The following RPH3AL variants were observed in gnomAD, a reference collection of about 807,000 sequenced individuals.
The protein encoded by RPH3AL is rabphilin 3A like (without C2 domains).
Under a neutral mutation model 43.1 loss-of-function variants are expected in RPH3AL, and 38 were observed. The observed-to-expected ratio is 0.88, with a 90% confidence interval of 0.68 to 1.15. The LOEUF (loss-of-function observed/expected upper bound fraction) is 1.15, where lower values mean the gene tolerates loss of function less well. Among genes scored for constraint, RPH3AL ranks in the 50% most tolerant of loss-of-function variants. RPH3AL has a pLI of 0.00. For missense variants in RPH3AL, 462 were observed against 423.2 expected, an observed-to-expected ratio of 1.09 and a Z score of -0.81; for synonymous variants, 189 against 176.3, an observed-to-expected ratio of 1.07 and a Z score of -0.57.
chr17:280,748 A>G (rs1283524224), intron 6 of RPH3AL, among the ~76,000 whole-genome samples: 1 of 152,194 alleles, frequency 6.6e-6, no homozygotes, highest in Non-Finnish European at 1.5e-5. Context: ...CCACAGAAAG[A>G]TAAAGAAATA....
intron 1 of RPH3AL, among the ~76,000 whole-genome samples, chr17:348,497 T>G (rs1400763398): frequency 6.6e-6 from 1 of 151,666 alleles, no homozygotes; most frequent in Non-Finnish European, 1.5e-5. Flanking sequence ...ACTCTGTACT[T>G]TTTGTTCAAT....
Position 290,647 on chromosome 17 carries a change from G to C in RPH3AL, c.352-8793C>G, listed in dbSNP as rs542044313. 6.6e-6 allele frequency among the ~76,000 whole-genome samples: 1 copy of C among 151,964 alleles called. No homozygotes were observed. Among genetic ancestry groups the C allele is most frequent in the Non-Finnish European group, 1.5e-5 (1 of 68,038 alleles). ...GAAGGTTCTGCTGGGCCACTCCAAA[G>C]TTCAGGTACTTCATGCCCAGGCTGG... On this transcript the variant is annotated intron_variant, in intron 5 of 9. Coordinates refer to ENST00000331302, the MANE Select transcript of RPH3AL (RefSeq NM_006987.4). This position sits in a 1 kb window ranked among gnomAD's most constrained non-coding sequence, Gnocchi z 4.2.
rs1355134144 is a variant in RPH3AL, at chr17:265,504, A to G, written c.438+16264T>C. On this transcript the variant is annotated intron_variant, in intron 6 of 9. Transcript: ENST00000331302. The stretch of plus-strand genomic sequence containing the variant: ...GACAACCAGCAGAATTAAAACTAGG[A>G]AAAACGTTCGTCATCCTGAAATACT... Among the ~76,000 whole-genome samples the G allele has an allele frequency of 3.3e-5, 5 of 152,216 alleles. No individual in the cohort carries two copies. The South Asian group carries it at 8.3e-4, about 25-fold the overall frequency.
chr17:293,264 T>C (rs2043087966), intron 5 of RPH3AL, among the ~76,000 whole-genome samples: 1 of 152,208 alleles, frequency 6.6e-6, no homozygotes, highest in Admixed American at 6.5e-5. Flanking sequence ...CTGCCACTCA[T>C]GCAGTTACCA....
chr17:303,382 C>A (rs1267543348), intron 5 of RPH3AL, among the ~76,000 whole-genome samples: 6 of 151,882 alleles, frequency 4.0e-5, no homozygotes, highest in Admixed American at 6.6e-5. Flanking sequence ...CACAGCGAGA[C>A]CCTGTCTCAA....
rs116378488 is a variant in RPH3AL, at chr17:251,583, G to A, written c.439-4298C>T. 3.9e-3 allele frequency among the ~76,000 whole-genome samples: 597 copies of A among 152,346 alleles called. 4 individuals are homozygous for A. Among genetic ancestry groups the A allele is most frequent in the African/African-American group, 0.013 (550 of 41,584 alleles). Reference sequence around the variant, plus strand: ...TAAATCCTCAGTGGCTCAGACGTCTGTGTGGACCCTTAGTGTCCTACAGGC... The same window carrying A: ...TAAATCCTCAGTGGCTCAGACGTCTATGTGGACCCTTAGTGTCCTACAGGC... On this transcript the variant is annotated intron_variant, in intron 6 of 9. Transcript: ENST00000331302.
At chr17:319,690 C>T in intron 4 of RPH3AL, 141 bp from the exon 5 acceptor site, 1 of 972,266 alleles carries the variant, frequency 1.0e-6, no homozygotes, top group South Asian at 1.6e-5. Context: ...CCCTGGATAA[C>T]AGCGAATCCT....
chr17:284,683 C>G (rs756945775), intron 5 of RPH3AL, among the ~76,000 whole-genome samples: 3 of 152,290 alleles, frequency 2.0e-5, no homozygotes, highest in South Asian at 2.1e-4. Flanking sequence ...GCCTCTCCCC[C>G]GGGGGCCGCC....
At chr17:292,929 G>C (rs2043080046) in intron 5 of RPH3AL, among the ~76,000 whole-genome samples, 1 of 152,210 alleles carries the variant, frequency 6.6e-6, no homozygotes. Context: ...CTGCTGCCGG[G>C]TCTGAGACAG....
chr17:281,576 T>C (rs2042779554), intron 6 of RPH3AL, among the ~76,000 whole-genome samples, 192 bp downstream of exon 6: 2 of 151,990 alleles, frequency 1.3e-5, no homozygotes, highest in African/African-American at 4.8e-5. Flanking sequence ...CTCCGTGCTT[T>C]TCTCCGCCGA....
At chr17:258,576 C>A (rs2042122712) in intron 6 of RPH3AL, among the ~76,000 whole-genome samples, 1 of 152,136 alleles carries the variant, frequency 6.6e-6, no homozygotes, top group South Asian at 2.1e-4. Context: ...CCTCCCCTGG[C>A]ATATCCCAGC....
chr17:276,067 T>C (rs2151598380), intron 6 of RPH3AL, among the ~76,000 whole-genome samples: 1 of 152,194 alleles, frequency 6.6e-6, no homozygotes, highest in South Asian at 2.1e-4. Context: ...AAGAACCTCG[T>C]CTCCAGGACA....
intron 9 of RPH3AL, among the ~76,000 whole-genome samples, chr17:214,444 C>A (rs892029877): frequency 6.6e-5 from 10 of 152,260 alleles, no homozygotes; most frequent in Admixed American, 6.5e-4. Context: ...TATTGAACTG[C>A]CGATATTTCA....
At chr17:238,714 T>C (rs925590436) in intron 7 of RPH3AL, among the ~76,000 whole-genome samples, 6 of 152,192 alleles carry the variant, frequency 3.9e-5, no homozygotes, top group African/African-American at 1.2e-4. Context: ...AAGTATGCCA[T>C]GTTGATGTGG....
At chr17:331,693 C>T (rs903934781) in intron 2 of RPH3AL, 7 of 1,287,804 alleles carry the variant, frequency 5.4e-6, no homozygotes, top group East Asian at 5.6e-5. Context: ...TCAGCCGACC[C>T]CCATGCCCGG....
At chr17:337,631 G>A (rs191158624) in intron 1 of RPH3AL, among the ~76,000 whole-genome samples, 18 of 152,300 alleles carry the variant, frequency 1.2e-4, no homozygotes, top group Admixed American at 6.5e-5. Flanking sequence ...AGAGCTAAGC[G>A]TCTGCTCCTG....
intron 5 of RPH3AL, among the ~76,000 whole-genome samples, chr17:305,174 C>A (rs2043452652): frequency 6.7e-6 from 1 of 149,774 alleles, no homozygotes; most frequent in African/African-American, 2.5e-5. Flanking sequence ...GGCGTCTGCA[C>A]CACCAGGCGC....
chr17:348,003 CA>C (rs58119082), intron 1 of RPH3AL, among the ~76,000 whole-genome samples: 1,775 of 138,076 alleles, frequency 0.013, 42 homozygotes, highest in African/African-American at 0.043. Context: ...CCATCTCTAC[CA>C]AAAAAAAAAA....
At chr17:340,259 G>A (rs1567537834) in intron 1 of RPH3AL, among the ~76,000 whole-genome samples, 1 of 152,008 alleles carries the variant, frequency 6.6e-6, no homozygotes, top group Non-Finnish European at 1.5e-5. Context: ...GGGAGTTCAT[G>A]GCCATCCACA....
Sources: gnomAD v4.1 joint callset for allele counts (sites outside exome capture counted in the v4.1 genomes callset) on GRCh38, gnomAD v4.1.1 for gene constraint, Gnocchi (gnomAD v3.1) non-coding constraint, MANE v1.5 for transcripts, NCBI Gene and HGNC (gene_info 2026-07-23, HGNC 2026-07-21) for gene names.